ITGB4: variants seen among roughly 807,000 people sequenced by gnomAD.
The protein encoded by ITGB4 is integrin subunit beta 4, also known as integrin beta-4.
In ITGB4, 159 loss-of-function variants were observed where a neutral mutation model predicts 207.6. The ratio of observed to expected loss-of-function variants is 0.77; its 90% confidence interval spans 0.67 to 0.87. ITGB4 has a LOEUF of 0.87. ITGB4 is among the 40% of genes least tolerant of loss of function. The pLI is 0.00. For missense variants in ITGB4, 2,278 were observed against 2,546.8 expected (o/e 0.89, Z 2.27); for synonymous variants, 1,020 against 1,062.7 (o/e 0.96, Z 0.78).
Position 75,740,341 on chromosome 17 carries a change from C to A in ITGB4, c.2447-17C>A, listed in dbSNP as rs774016446. The A allele has an allele frequency of 8.1e-6, 13 of 1,606,146 alleles. No homozygotes were observed. Among genetic ancestry groups the A allele is most frequent in the Non-Finnish European group, 1.1e-5 (13 of 1,175,268 alleles). On this transcript the variant is annotated splice_polypyrimidine_tract_variant and intron_variant, in intron 20 of 39. Coordinates refer to ENST00000200181, the MANE Select transcript of ITGB4 (RefSeq NM_000213.5). This position sits in a 1 kb window ranked among gnomAD's most constrained non-coding sequence, Gnocchi z 5.9. ...CTGACCACCTCCATCTCACCCCCTC[C>A]CACCGCCTTTCCTTAGTGCCCTACG... is the stretch of plus-strand genomic sequence containing the variant.
chr17:75,738,975 GAA>G (rs79088186), intron 18 of ITGB4, among the ~76,000 whole-genome samples: 1 of 140,100 alleles, frequency 7.1e-6, no homozygotes, highest in South Asian at 2.2e-4. Context: ...GACTCAAAAA[GAA>G]AAAAAAAAAG....
At chr17:75,749,750 A>C (rs1001982607) in intron 27 of ITGB4, among the ~76,000 whole-genome samples, 2 of 152,150 alleles carry the variant, frequency 1.3e-5, no homozygotes, top group Admixed American at 1.3e-4. Flanking sequence ...CAGCCTCCCA[A>C]CTGGGAGAAA....
chr17:75,757,433 G>A lies in ITGB4; in HGVS notation c.5347G>A (p.Ala1783Thr), dbSNP rs201253100. The A allele has an allele frequency of 9.9e-6, 16 of 1,613,188 alleles. No homozygotes were observed. Among genetic ancestry groups the A allele is most frequent in the South Asian group, 5.5e-5 (5 of 91,084 alleles). The change falls in exon 40 of 40, where the codon GCC becomes ACC. Residue 1783 changes from alanine to threonine, a missense_variant. By Grantham distance (58) the Ala-to-Thr change is moderately conservative. Coordinates refer to ENST00000200181, the MANE Select transcript of ITGB4 (RefSeq NM_000213.5). ...CTCCACAGATGGGCTGACCCTGGGG[G>A]CCCAGCACCTGGAGGCAGGCGGCTC... Reference protein sequence around the residue: ...PFLVDGLTLGAQHLEAGGSLT... With the variant: ...PFLVDGLTLGTQHLEAGGSLT...
chr17:75,755,449 C>T (rs944914901), intron 34 of ITGB4, among the ~76,000 whole-genome samples: 1 of 152,098 alleles, frequency 6.6e-6, no homozygotes, highest in Non-Finnish European at 1.5e-5. Flanking sequence ...GCCAGCTGAG[C>T]AGTTGAGGGG....
intron 37 of ITGB4, 37 bp downstream of exon 37, chr17:75,756,896 G>A (rs760243772): frequency 1.9e-6 from 3 of 1,612,214 alleles, no homozygotes; most frequent in South Asian, 1.1e-5. Flanking sequence ...GGCCAGGGGA[G>A]GGGTAAAGAG....
rs1390768649 is a variant in ITGB4, at chr17:75,742,806, G to A, written c.2962+45G>A. On this transcript the variant is annotated intron_variant, in intron 25 of 39. Coordinates refer to ENST00000200181, the MANE Select transcript of ITGB4 (RefSeq NM_000213.5). This position sits in a 1 kb window ranked among gnomAD's most constrained non-coding sequence, Gnocchi z 5.9. Reference sequence around the variant, plus strand: ...GTGGGGAAGGCAGACGGGGGCTCGGGGGCACTGGTTCCTCCTGCTTAAGTG... The same window carrying A: ...GTGGGGAAGGCAGACGGGGGCTCGGAGGCACTGGTTCCTCCTGCTTAAGTG... 7 of 1,561,510 alleles carry A rather than the reference G, an allele frequency of 4.5e-6. No homozygotes were observed. The highest frequency in any genetic ancestry group is 6.1e-6 in the Non-Finnish European group (7 of 1,153,928).
chr17:75,742,640 C>T lies in ITGB4; in HGVS notation c.2841C>T (p.Pro947=). 6.2e-7 allele frequency: 1 copy of T among 1,614,028 alleles called. No individual in the cohort carries two copies. The highest frequency in any genetic ancestry group is 2.2e-5 in the East Asian group (1 of 44,880). The change falls in exon 25 of 40, where the codon CCC becomes CCT. Residue 947 remains proline, a synonymous_variant. Transcript: ENST00000200181. The surrounding 1 kb of genome is among the most constrained non-coding windows in gnomAD (Gnocchi z 5.9). ...TGGAGCTGGTGGACGTACGGGTGCC[C>T]CTCTTTATCCGGCCTGAGGATGACG... The part of the protein sequence containing the change: ...EGVELVDVRV[P]LFIRPEDDDE...
At position 75,755,479 on chromosome 17, in the gene ITGB4, G is replaced by A. The variant is rs1302978737; in HGVS notation, c.4559-222G>A. On this transcript the variant is annotated intron_variant, in intron 34 of 39. Transcript: ENST00000200181. ...GAGGGGGTGGGGCTGGCAGACTCAC[G>A]GGGCTCACTCTCTTTTGGCACAAGC... is the stretch of plus-strand genomic sequence containing the variant. 3.3e-5 allele frequency among the ~76,000 whole-genome samples: 5 copies of A among 152,284 alleles called. No individual in the cohort carries two copies. The East Asian group carries it at 5.8e-4, about 18-fold the overall frequency.
chr17:75,753,935 G>T lies in ITGB4; in HGVS notation c.4279G>T (p.Gly1427Cys). 7.8e-7 allele frequency: 1 copy of T among 1,282,022 alleles called. No homozygotes were observed. The highest frequency in any genetic ancestry group is 9.8e-7 in the Non-Finnish European group (1 of 1,020,608). 79.4% of individuals were successfully genotyped at this position (1,282,022 alleles called of 1,614,324 possible). Residue 1427 changes from glycine to cysteine, a missense_variant, in exon 33 of 40, where the codon GGC becomes TGC. Physicochemically the swap from Gly to Cys is radical, Grantham distance 159. Coordinates refer to ENST00000200181, the MANE Select transcript of ITGB4 (RefSeq NM_000213.5). ...PDDGGAGGKG[G>C]SLPRSATPGP... ...CGACGGCGGCGCGGGCGGGAAGGGC[G>T]GCAGCCTGCCCCGCAGTGCGACACC... is the stretch of plus-strand genomic sequence containing the variant.
intron 13 of ITGB4, among the ~76,000 whole-genome samples, chr17:75,733,981 C>G (rs966736744): frequency 1.3e-4 from 20 of 152,170 alleles, no homozygotes; most frequent in Non-Finnish European, 2.8e-4. Context: ...CAGTTCTATG[C>G]CCACCCCACT....
intron 13 of ITGB4, among the ~76,000 whole-genome samples, chr17:75,734,127 G>GTT (rs58249158): frequency 0.053 from 4,058 of 76,080 alleles, 993 homozygotes; most frequent in African/African-American, 0.2. Flanking sequence ...TGTTGCTGCT[G>GTT]TTTTTTTTTT....
At position 75,742,994 on chromosome 17, in the gene ITGB4, T is replaced by C. The variant is rs2061150613; in HGVS notation, c.2962+233T>C. On this transcript the variant is annotated intron_variant, in intron 25 of 39. Coordinates refer to ENST00000200181, the MANE Select transcript of ITGB4 (RefSeq NM_000213.5). This position sits in a 1 kb window ranked among gnomAD's most constrained non-coding sequence, Gnocchi z 5.9. ...AGCGCTCAGTAAATGGAAGCTTCTG[T>C]TGCATCCTCATAAGGGCCAGCCCCT... 6.6e-6 allele frequency among the ~76,000 whole-genome samples: 1 copy of C among 152,134 alleles called. No homozygotes were observed. Among genetic ancestry groups the C allele is most frequent in the South Asian group, 2.1e-4 (1 of 4,830 alleles).
Position 75,740,386 on chromosome 17 carries a change from C to A in ITGB4, c.2475C>A (p.Ala825=), listed in dbSNP as rs1434248107. The A allele has an allele frequency of 1.9e-6, 3 of 1,613,782 alleles. No homozygotes were observed. The highest frequency in any genetic ancestry group is 1.7e-6 in the Non-Finnish European group (2 of 1,180,024). ...CCTACGGGCTGTCCTTGCGCCTGGC[C>A]CGCCTTTGCACCGAGAACCTGCTGA... ...LVPYGLSLRL[A]RLCTENLLKP... Residue 825 remains alanine (A), a synonymous_variant, in exon 21 of 40, where the codon GCC becomes GCA. Transcript: ENST00000200181. The surrounding 1 kb of genome is among the most constrained non-coding windows in gnomAD (Gnocchi z 5.9).
chr17:75,740,205 T>C lies in ITGB4; in HGVS notation c.2446+134T>C. 1 of 1,217,680 alleles carries C rather than the reference T, an allele frequency of 8.2e-7. No individual in the cohort carries two copies. The highest frequency in any genetic ancestry group is 1.2e-6 in the Non-Finnish European group (1 of 859,480). The allele number at this position is 1,217,680 out of a possible 1,614,324, so 75.4% of individuals were successfully genotyped here. ...GGCTCAGCCACCTTTTGCCCTGTGCTGATGGTGCTATGAACCTCATGCCTC... is the reference window on the plus strand; with the variant it reads ...GGCTCAGCCACCTTTTGCCCTGTGCCGATGGTGCTATGAACCTCATGCCTC... On this transcript the variant is annotated intron_variant, in intron 20 of 39. Coordinates refer to ENST00000200181, the MANE Select transcript of ITGB4 (RefSeq NM_000213.5). The surrounding 1 kb of genome is among the most constrained non-coding windows in gnomAD (Gnocchi z 5.9).
At chr17:75,728,547 A>C in intron 6 of ITGB4, 74 bp downstream of exon 6, 1 of 1,208,368 alleles carries the variant, frequency 8.3e-7, no homozygotes, top group African/African-American at 1.5e-5. Flanking sequence ...TTCACCCACA[A>C]CTTAAAATTA....
At chr17:75,751,881 G>A (rs2061374428) in intron 30 of ITGB4, 1 of 491,970 alleles carries the variant, frequency 2.0e-6, no homozygotes, top group East Asian at 3.9e-5. Context: ...CTTGCCTTGT[G>A]TGGAGGCACC....
At chr17:75,728,508 G>A (rs1273730114) in intron 6 of ITGB4, 35 bp downstream of exon 6, 2 of 1,536,216 alleles carry the variant, frequency 1.3e-6, no homozygotes, top group Non-Finnish European at 9.0e-7. Flanking sequence ...GGTGGGCAAG[G>A]GTCCAGGCCA....
chr17:75,724,906 G>A lies in ITGB4; in HGVS notation c.79+124G>A, dbSNP rs2060688162. On this transcript the variant is annotated intron_variant, in intron 2 of 39. Coordinates refer to ENST00000200181, the MANE Select transcript of ITGB4 (RefSeq NM_000213.5). ...CTTGGCCATTCAGCAACTGACCACT[G>A]CCCACCTTCAGGGCTGGAAAACTTG... The A allele has an allele frequency of 3.7e-6, 3 of 813,508 alleles. No individual in the cohort carries two copies. The Admixed American group carries it at 6.0e-5, about 16-fold the overall frequency. 50.4% of individuals were successfully genotyped at this position (813,508 alleles called of 1,614,324 possible). A position where few individuals can be genotyped will look rare whatever the true frequency, so the allele number is the denominator to read the frequency against.
chr17:75,732,217 C>G lies in ITGB4; in HGVS notation c.1432C>G (p.Gln478Glu). Residue 478 changes from glutamine (Q) to glutamate (E), a missense_variant, in exon 12 of 40, where the codon CAG (glutamine) becomes GAG (glutamate). Coordinates refer to ENST00000200181, the MANE Select transcript of ITGB4 (RefSeq NM_000213.5). This position sits in a 1 kb window ranked among gnomAD's most constrained non-coding sequence, Gnocchi z 5.3. ...CTTCAACGGAGACTTCGTGTGCGGA[C>G]AGTGTGTGTGCAGCGAGGGCTGGTG... ...CSFNGDFVCG[Q>E]CVCSEGWSGQ... 2.5e-6 allele frequency: 4 copies of G among 1,614,078 alleles called. No homozygotes were observed. The highest frequency in any genetic ancestry group is 3.4e-6 in the Non-Finnish European group (4 of 1,180,034).
Sources: allele counts gnomAD v4.1 joint callset (sites outside exome capture counted in the v4.1 genomes callset), GRCh38; gene constraint gnomAD v4.1.1; non-coding constraint Gnocchi (gnomAD v3.1); transcripts MANE v1.5; gene names NCBI Gene and HGNC (gene_info 2026-07-23, HGNC 2026-07-21).